The following TMEM39B variants were observed in gnomAD, a reference collection of about 807,000 sequenced individuals.
TMEM39B encodes transmembrane protein 39B.
TMEM39B carries 23 observed loss-of-function variants against 52.2 expected under a neutral mutation model. That is an observed-to-expected ratio of 0.44 (90% CI 0.32 to 0.62). The LOEUF (loss-of-function observed/expected upper bound fraction) is 0.62, where lower values mean the gene tolerates loss of function less well. Among genes scored for constraint, TMEM39B ranks in the 20% least tolerant of loss-of-function variants. TMEM39B has a pLI of 0.06. For missense variants in TMEM39B, 547 were observed against 642.0 expected (o/e 0.85, Z 1.60); for synonymous variants, 285 against 264.0 (o/e 1.08, Z -0.77).
chr1:32,084,282 C>T (rs1184917843), intron 5 of TMEM39B, among the ~76,000 whole-genome samples: 1 of 152,100 alleles, frequency 6.6e-6, no homozygotes, highest in Non-Finnish European at 1.5e-5. Flanking sequence ...ACAAAGGCAT[C>T]CCTCCTGGAG....
intron 3 of TMEM39B, 48 bp downstream of exon 3, chr1:32,075,870 GTGTGTA>G: frequency 3.3e-6 from 4 of 1,210,086 alleles, no homozygotes; most frequent in Non-Finnish European, 4.6e-6. Flanking sequence ...GTGTGCGTGT[GTGTGTA>G]TGTGTGTGTG....
At chr1:32,077,944 C>T (rs1639935864) in intron 5 of TMEM39B, among the ~76,000 whole-genome samples, 1 of 152,172 alleles carries the variant, frequency 6.6e-6, no homozygotes, top group Non-Finnish European at 1.5e-5. Flanking sequence ...CGCCTTGCAT[C>T]AGGGAGAACT....
chr1:32,093,650 G>A (rs1640696490), intron 6 of TMEM39B, among the ~76,000 whole-genome samples: 1 of 151,500 alleles, frequency 6.6e-6, no homozygotes, highest in Admixed American at 6.6e-5. Flanking sequence ...GACCTCAAGT[G>A]ATCCACCCAA....
chr1:32,087,346 G>A (rs1332957606), intron 5 of TMEM39B, among the ~76,000 whole-genome samples: 13 of 142,632 alleles, frequency 9.1e-5, no homozygotes, highest in South Asian at 2.3e-4. Flanking sequence ...AAAAAAGGCC[G>A]GGTGCGGTGG....
chr1:32,074,907 T>TC (rs1232036635), intron 1 of TMEM39B, 44 bp from the exon 2 acceptor site: 2 of 1,527,560 alleles, frequency 1.3e-6, no homozygotes, highest in East Asian at 2.5e-5. Flanking sequence ...ATCCTTGATA[T>TC]ATGCCCCCTG....
rs146704037 is a variant in TMEM39B, at chr1:32,096,521, A to G, written c.1115+1550A>G. Among the ~76,000 whole-genome samples the G allele has an allele frequency of 4.2e-3, 539 of 129,374 alleles. 3 individuals carry two copies. Among genetic ancestry groups the G allele is most frequent in the African/African-American group, 0.016 (520 of 32,918 alleles). 84.9% of individuals were successfully genotyped at this position (129,374 alleles called of 152,430 possible). On this transcript the variant is annotated intron_variant, in intron 7 of 8. Transcript: ENST00000336294. Reference sequence around the variant, plus strand: ...GTTGCCCAGGCTGGAGTGCAGTGGCACAATCTTGGCTCATTGCAATCTCCA... The same window carrying G: ...GTTGCCCAGGCTGGAGTGCAGTGGCGCAATCTTGGCTCATTGCAATCTCCA...
chr1:32,102,610 A>G lies in TMEM39B; in HGVS notation c.1416A>G (p.Val472=). 1.2e-6 allele frequency: 2 copies of G among 1,613,432 alleles called. No homozygotes were observed. The highest frequency in any genetic ancestry group is 1.7e-6 in the Non-Finnish European group (2 of 1,179,662). The change falls in exon 9 of 9, where the codon GTA becomes GTG. Residue 472 remains valine (V), a synonymous_variant. Transcript: ENST00000336294. ...AFFKLLRDRL[V]LGKAYSYSAS... is the part of the protein sequence containing the mutation. ...TCAAGCTGCTCCGGGACCGCTTGGT[A>G]TTGGGCAAGGCCTACTCATACTCTG...
Position 32,073,287 on chromosome 1 carries a change from G to C in TMEM39B, c.4+236G>C, listed in dbSNP as rs935247461. On this transcript the variant is annotated intron_variant, in intron 1 of 8. Coordinates refer to ENST00000336294, the MANE Select transcript of TMEM39B (RefSeq NM_018056.4). ...AAGACGAAGCCCTGTGGGGGCTTGG[G>C]CTTTCGTGAGGACCAGCTCGTCGGG... 16 of 529,858 alleles carry C rather than the reference G, an allele frequency of 3.0e-5. No homozygotes were observed. The Admixed American group carries it at 4.5e-4, about 15-fold the overall frequency. The allele number at this position is 529,858 out of a possible 1,614,324, so 32.8% of individuals were successfully genotyped here.
intron 6 of TMEM39B, among the ~76,000 whole-genome samples, chr1:32,093,108 CTT>C (rs998536247): frequency 6.6e-6 from 1 of 151,148 alleles, no homozygotes; most frequent in Non-Finnish European, 1.5e-5. Context: ...CTTAATCTCT[CTT>C]TTTTTTTAGA....
At chr1:32,073,747 G>A (rs1639738209) in intron 1 of TMEM39B, 1 of 985,226 alleles carries the variant, frequency 1.0e-6, no homozygotes, top group African/African-American at 1.7e-5. Flanking sequence ...GAGACTTGTG[G>A]AGGTTTATAA....
chr1:32,090,494 C>T (rs1000297876), intron 5 of TMEM39B, among the ~76,000 whole-genome samples: 3 of 152,042 alleles, frequency 2.0e-5, no homozygotes, highest in African/African-American at 4.8e-5. Flanking sequence ...TTACTCTGCC[C>T]GGCCAGAGTG....
chr1:32,090,880 T>C (rs192618325), intron 5 of TMEM39B, among the ~76,000 whole-genome samples: 1,946 of 152,194 alleles, frequency 0.013, 21 homozygotes, highest in Admixed American at 0.024. Flanking sequence ...TACCCTGTGA[T>C]CCGCCCACCT....
intron 8 of TMEM39B, among the ~76,000 whole-genome samples, chr1:32,101,143 A>G (rs1478004079): frequency 6.6e-6 from 1 of 152,182 alleles, no homozygotes; most frequent in Non-Finnish European, 1.5e-5. Context: ...AGTGAAAGAC[A>G]ATACTGTCTT....
chr1:32,084,913 GTTA>G (rs1640277458), intron 5 of TMEM39B, among the ~76,000 whole-genome samples: 2 of 152,112 alleles, frequency 1.3e-5, no homozygotes, highest in Admixed American at 6.6e-5. Context: ...AACTTTTGCA[GTTA>G]TTATTCCATT....
At chr1:32,075,101 C>T in intron 2 of TMEM39B, 24 bp downstream of exon 2, 1 of 1,541,530 alleles carries the variant, frequency 6.5e-7, no homozygotes, top group Non-Finnish European at 8.8e-7. Context: ...CTGTCTCACC[C>T]CTCACTGTGG....
At chr1:32,079,731 A>G (rs1362545978) in intron 5 of TMEM39B, among the ~76,000 whole-genome samples, 4 of 151,122 alleles carry the variant, frequency 2.6e-5, no homozygotes, top group Non-Finnish European at 4.4e-5. Flanking sequence ...GCAGTATTCT[A>G]TGTTATAGAA....
At chr1:32,083,970 G>C (rs1298055074) in intron 5 of TMEM39B, among the ~76,000 whole-genome samples, 1 of 142,842 alleles carries the variant, frequency 7.0e-6, no homozygotes, top group Non-Finnish European at 1.5e-5. Flanking sequence ...GGGCAATAGA[G>C]CAAGACCCTG....
At chr1:32,073,338 AG>A (rs1639719763) in intron 1 of TMEM39B, 1 of 373,856 alleles carries the variant, frequency 2.7e-6, no homozygotes, top group Non-Finnish European at 4.5e-6. Context: ...GGGACTTACC[AG>A]TGGGCGTGGC....
chr1:32,085,781 T>G (rs1640323131), intron 5 of TMEM39B, among the ~76,000 whole-genome samples: 1 of 151,752 alleles, frequency 6.6e-6, no homozygotes. Flanking sequence ...CTTATTTTCC[T>G]CAATTTTGTC....
Sources: allele counts gnomAD v4.1 joint callset (sites outside exome capture counted in the v4.1 genomes callset), GRCh38; gene constraint gnomAD v4.1.1; transcripts MANE v1.5; gene names NCBI Gene and HGNC (gene_info 2026-07-23, HGNC 2026-07-21).